Variants in DPH6 observed in about 807,000 individuals in gnomAD.
DPH6 encodes the protein diphthine--ammonia ligase.
In DPH6, 33 loss-of-function variants were observed where a neutral mutation model predicts 38.2. The observed-to-expected ratio is 0.86, with a 90% CI of 0.65 to 1.15. The LOEUF (loss-of-function observed/expected upper bound fraction) is 1.15. DPH6 is among the 50% of genes most tolerant of loss of function. DPH6 has a pLI of 0.00. For synonymous variants in DPH6, 108 were observed against 103.0 expected (o/e 1.05, Z -0.30); for missense variants, 325 against 320.0 (o/e 1.02, Z -0.12).
At chr15:35,268,745 T>C (rs558662252) in intron 3 of DPH6, among the ~76,000 whole-genome samples, 2 of 137,350 alleles carry the variant, frequency 1.5e-5, no homozygotes, top group Admixed American at 1.5e-4. Context: ...GTATAAAAAA[T>C]GGAAAAAAAA....
At chr15:35,415,155 T>A (rs1389570399) in intron 5 of DPH6, among the ~76,000 whole-genome samples, 1 of 151,992 alleles carries the variant, frequency 6.6e-6, no homozygotes, top group East Asian at 1.9e-4. Context: ...TATTCATCTA[T>A]GACTGCCATG....
intron 3 of DPH6, among the ~76,000 whole-genome samples, chr15:35,308,232 G>A (rs1165064851): frequency 6.6e-6 from 1 of 152,024 alleles, no homozygotes; most frequent in Non-Finnish European, 1.5e-5. Context: ...TCCTGTCACT[G>A]CATAAATAAA....
the DPH6 span, among the ~76,000 whole-genome samples, chr15:35,166,336 G>C: frequency 0.32 from 49,069 of 151,692 alleles, 8,486 homozygotes; most frequent in East Asian, 0.65. Context: ...TGACTTTCTA[G>C]TTTTCATCAA....
At chr15:35,302,523 A>G (rs1595468210) in intron 3 of DPH6, among the ~76,000 whole-genome samples, 1 of 152,210 alleles carries the variant, frequency 6.6e-6, no homozygotes, top group African/African-American at 2.4e-5. Context: ...AGTGTTTATG[A>G]AAAAATCCAT....
At chr15:35,170,799 C>T in the DPH6 span, among the ~76,000 whole-genome samples, 3 of 152,260 alleles carry the variant, frequency 2.0e-5, no homozygotes, top group South Asian at 4.1e-4. Context: ...TCTCATCCTA[C>T]ACTCTCATTG....
chr15:35,354,077 T>C (rs1280128933), intron 3 of DPH6, among the ~76,000 whole-genome samples: 3 of 152,146 alleles, frequency 2.0e-5, no homozygotes, highest in Non-Finnish European at 2.9e-5. Flanking sequence ...TTTGGCTCTC[T>C]GTTTGTCTAT....
chr15:35,298,508 G>A (rs1161742870), intron 3 of DPH6: 6 of 774,748 alleles, frequency 7.7e-6, no homozygotes, highest in African/African-American at 1.7e-5. Flanking sequence ...CACCTTTCCC[G>A]CACCAACCAT....
At chr15:35,256,338 C>T (rs910682902) in intron 3 of DPH6, among the ~76,000 whole-genome samples, 11 of 152,068 alleles carry the variant, frequency 7.2e-5, no homozygotes, top group Non-Finnish European at 1.6e-4. Flanking sequence ...GTTTTGATGA[C>T]CTTGACAGTT....
chr15:35,197,171 T>A, the DPH6 span, among the ~76,000 whole-genome samples: 2 of 152,170 alleles, frequency 1.3e-5, no homozygotes, highest in Non-Finnish European at 2.9e-5. Context: ...CTCGTATGAC[T>A]GGAAGAATAT....
intron 6 of DPH6, among the ~76,000 whole-genome samples, chr15:35,387,387 T>C (rs2052980096): frequency 6.6e-6 from 1 of 152,210 alleles, no homozygotes; most frequent in African/African-American, 2.4e-5. Context: ...AGAAAGTCAC[T>C]GGTAGCTTGA....
chr15:35,225,542 A>G (rs1462881610), intron 3 of DPH6, among the ~76,000 whole-genome samples: 1 of 152,206 alleles, frequency 6.6e-6, no homozygotes, highest in African/African-American at 2.4e-5. Context: ...CTTTCTGTCT[A>G]CTTGATGTCT....
chr15:35,493,428 T>C (rs1362193384), intron 3 of DPH6, among the ~76,000 whole-genome samples: 1 of 151,992 alleles, frequency 6.6e-6, no homozygotes, highest in Non-Finnish European at 1.5e-5. Flanking sequence ...GAAACAACAA[T>C]AACAAAAATA....
At chr15:35,162,475 G>C in the DPH6 span, among the ~76,000 whole-genome samples, 4 of 151,846 alleles carry the variant, frequency 2.6e-5, no homozygotes, top group Non-Finnish European at 5.9e-5. Flanking sequence ...AGCCTCTGCA[G>C]GAGCTACTTA....
chr15:35,451,452 G>T (rs1156971732), intron 4 of DPH6, among the ~76,000 whole-genome samples: 1 of 152,074 alleles, frequency 6.6e-6, no homozygotes, highest in East Asian at 1.9e-4. Flanking sequence ...TAGTTTCCTA[G>T]TTCATAAATA....
intron 3 of DPH6, among the ~76,000 whole-genome samples, chr15:35,268,615 G>A (rs893903305): frequency 4.6e-5 from 7 of 151,798 alleles, no homozygotes; most frequent in Non-Finnish European, 8.8e-5. Context: ...CTTAGTGAGG[G>A]TGAGGTGGTT....
chr15:35,369,564 G>A (rs534058610), downstream of DPH6, among the ~76,000 whole-genome samples: 3 of 150,404 alleles, frequency 2.0e-5, no homozygotes, highest in East Asian at 5.9e-4. Context: ...GTGACTGAGA[G>A]GCATATCAAC....
chr15:35,169,292 G>T, the DPH6 span, among the ~76,000 whole-genome samples: 1 of 152,086 alleles, frequency 6.6e-6, no homozygotes, highest in Non-Finnish European at 1.5e-5. Flanking sequence ...TTTGTTTTAT[G>T]AAGACATATG....
chr15:35,176,600 T>C, the DPH6 span, among the ~76,000 whole-genome samples: 1 of 152,156 alleles, frequency 6.6e-6, no homozygotes, highest in African/African-American at 2.4e-5. Context: ...GCCTCCCTAG[T>C]AGCTGGGATG....
intron 5 of DPH6, among the ~76,000 whole-genome samples, chr15:35,418,345 A>G (rs935455395): frequency 6.6e-6 from 1 of 152,128 alleles, no homozygotes; most frequent in Non-Finnish European, 1.5e-5. Flanking sequence ...GTACATTTTA[A>G]CTCTAATACA....
Sources: gnomAD v4.1 joint callset for allele counts (sites outside exome capture counted in the v4.1 genomes callset) on GRCh38, gnomAD v4.1.1 for gene constraint, MANE v1.5 for transcripts, NCBI Gene and HGNC (gene_info 2026-07-23, HGNC 2026-07-21) for gene names.